LRP1B: variants seen among roughly 807,000 people sequenced by gnomAD.
The protein encoded by LRP1B is LDL receptor related protein 1B, also known as low-density lipoprotein receptor-related protein 1B.
Under a neutral mutation model 556.6 loss-of-function variants are expected in LRP1B, and 217 were observed. The ratio of observed to expected loss-of-function variants is 0.39; its 90% confidence interval spans 0.35 to 0.44. The LOEUF (loss-of-function observed/expected upper bound fraction) is 0.44, where lower values mean the gene tolerates loss of function less well. LRP1B is among the 20% of genes least tolerant of loss of function. The probability of loss-of-function intolerance (pLI) is 1.00; values close to 1 mark genes in which losing one functional copy is unlikely to be tolerated. For synonymous variants in LRP1B, 2,047 were observed against 1,865.8 expected, an observed-to-expected ratio of 1.10 and a Z score of -2.50; for missense variants, 5,053 against 5,620.8, an observed-to-expected ratio of 0.90 and a Z score of 3.23.
chr2:141,036,594 C>T (rs938289420), intron 11 of LRP1B, among the ~76,000 whole-genome samples: 2 of 152,024 alleles, frequency 1.3e-5, no homozygotes, highest in African/African-American at 4.8e-5. Context: ...AAGTAAGCTG[C>T]AAAGACAAGT....
At chr2:141,644,353 C>T (rs1262024484) in intron 2 of LRP1B, among the ~76,000 whole-genome samples, 3 of 152,022 alleles carry the variant, frequency 2.0e-5, no homozygotes, top group African/African-American at 7.2e-5. Flanking sequence ...CATAAGATCT[C>T]TCTCTTGCTG....
chr2:140,861,333 G>A (rs974385967), intron 27 of LRP1B, among the ~76,000 whole-genome samples: 6 of 152,180 alleles, frequency 3.9e-5, no homozygotes, highest in African/African-American at 1.4e-4. Context: ...CTTGAACCTG[G>A]GAGGCGGAGG....
At chr2:140,917,318 C>T (rs1034438246) in intron 21 of LRP1B, among the ~76,000 whole-genome samples, 1 of 152,108 alleles carries the variant, frequency 6.6e-6, no homozygotes, top group Non-Finnish European at 1.5e-5. Context: ...CATACTCTGA[C>T]CCTACTATCC....
chr2:141,030,300 T>G (rs561761029), intron 11 of LRP1B, among the ~76,000 whole-genome samples: 1 of 152,104 alleles, frequency 6.6e-6, no homozygotes, highest in African/African-American at 2.4e-5. Context: ...ATAGTTACAC[T>G]GACAAACATT....
intron 80 of LRP1B, 67 bp downstream of exon 80, chr2:140,325,695 C>A (rs1680436176): frequency 9.5e-7 from 1 of 1,058,052 alleles, no homozygotes; most frequent in Non-Finnish European, 1.4e-6. Flanking sequence ...TCCATACTTA[C>A]ATTTTTGTAT....
At chr2:141,020,795 C>T (rs1466176057) in intron 11 of LRP1B, among the ~76,000 whole-genome samples, 2 of 151,848 alleles carry the variant, frequency 1.3e-5, no homozygotes, top group Non-Finnish European at 2.9e-5. Context: ...TAATTCAAAC[C>T]CTTTATTTTA....
At chr2:140,762,470 G>GTT (rs200198732) in intron 35 of LRP1B, among the ~76,000 whole-genome samples, 5 of 151,638 alleles carry the variant, frequency 3.3e-5, no homozygotes, top group Non-Finnish European at 7.4e-5. Context: ...AATATTAAGG[G>GTT]TTTTTTTTGT....
At chr2:140,582,834 T>C (rs1681827293) in intron 43 of LRP1B, among the ~76,000 whole-genome samples, 1 of 152,208 alleles carries the variant, frequency 6.6e-6, no homozygotes, top group South Asian at 2.1e-4. Flanking sequence ...CATTTATTTT[T>C]CATTCAGTTA....
intron 25 of LRP1B, among the ~76,000 whole-genome samples, chr2:140,870,308 C>T (rs1229166309): frequency 1.3e-5 from 2 of 152,126 alleles, no homozygotes; most frequent in Non-Finnish European, 1.5e-5. Flanking sequence ...ACTCAGAGGT[C>T]AGAGGAACAT....
At chr2:140,497,632 G>A (rs956335559) in intron 55 of LRP1B, among the ~76,000 whole-genome samples, 1 of 151,878 alleles carries the variant, frequency 6.6e-6, no homozygotes, top group African/African-American at 2.4e-5. Context: ...ATACAGAGCA[G>A]TGTTGAATCA....
At chr2:140,241,709 G>A (rs1680956239) in intron 87 of LRP1B, among the ~76,000 whole-genome samples, 1 of 150,660 alleles carries the variant, frequency 6.6e-6, no homozygotes, top group African/African-American at 2.4e-5. Flanking sequence ...AGATTAGCAA[G>A]TTTTTTTAAA....
At chr2:141,425,318 A>C (rs1281545582) in intron 3 of LRP1B, among the ~76,000 whole-genome samples, 1 of 147,632 alleles carries the variant, frequency 6.8e-6, no homozygotes, top group Non-Finnish European at 1.5e-5. Context: ...CCAGTCTATC[A>C]TTGTTGGACA....
At chr2:141,669,456 T>C (rs1413490816) in intron 2 of LRP1B, among the ~76,000 whole-genome samples, 1 of 152,118 alleles carries the variant, frequency 6.6e-6, no homozygotes, top group Non-Finnish European at 1.5e-5. Flanking sequence ...ACAAAACTCA[T>C]GCACTGCAAG....
intron 60 of LRP1B, among the ~76,000 whole-genome samples, chr2:140,460,723 A>G (rs1474642534): frequency 6.6e-6 from 1 of 152,180 alleles, no homozygotes; most frequent in Non-Finnish European, 1.5e-5. Flanking sequence ...AAGCCTATTT[A>G]AAAGCTGCTT....
intron 3 of LRP1B, among the ~76,000 whole-genome samples, chr2:141,268,281 T>C (rs1410217471): frequency 6.6e-6 from 1 of 152,166 alleles, no homozygotes; most frequent in Non-Finnish European, 1.5e-5. Flanking sequence ...ATAAAGAGAC[T>C]AGGCAGGAAG....
intron 35 of LRP1B, among the ~76,000 whole-genome samples, chr2:140,746,138 CATAA>C (rs1041821394): frequency 2.0e-5 from 3 of 152,002 alleles, no homozygotes; most frequent in Non-Finnish European, 4.4e-5. Context: ...TGATAAATTT[CATAA>C]ATAAACACCT....
chr2:142,003,834 T>G (rs1397023912), intron 1 of LRP1B, among the ~76,000 whole-genome samples: 3 of 152,224 alleles, frequency 2.0e-5, no homozygotes, highest in African/African-American at 7.2e-5. Context: ...TGAGTTTTCT[T>G]ATGAACATGG....
intron 3 of LRP1B, among the ~76,000 whole-genome samples, chr2:141,289,108 G>T (rs1459962705): frequency 2.7e-5 from 4 of 149,020 alleles, no homozygotes; most frequent in African/African-American, 9.9e-5. Flanking sequence ...ATGCGGCCGG[G>T]CGCGGTGGCT....
At chr2:140,541,312 C>A (rs1056982659) in intron 44 of LRP1B, among the ~76,000 whole-genome samples, 1 of 152,040 alleles carries the variant, frequency 6.6e-6, no homozygotes, top group Non-Finnish European at 1.5e-5. Context: ...ACATTTGATA[C>A]CACGGCATCA....
Sources: allele counts gnomAD v4.1 joint callset (sites outside exome capture counted in the v4.1 genomes callset), GRCh38; gene constraint gnomAD v4.1.1; transcripts MANE v1.5; gene names NCBI Gene and HGNC (gene_info 2026-07-23, HGNC 2026-07-21).